RABEPK: variants seen among roughly 807,000 people sequenced by gnomAD.
RABEPK encodes 40 kDa Rab9 effector protein.
RABEPK carries 27 observed loss-of-function variants against 34.1 expected under a neutral mutation model. That is an observed-to-expected ratio of 0.79 (90% confidence interval 0.58 to 1.09). RABEPK has a LOEUF of 1.09. RABEPK is among the 50% of genes least tolerant of loss of function. The pLI is 0.00. For missense variants in RABEPK, 449 were observed against 462.6 expected (o/e 0.97, Z 0.27); for synonymous variants, 172 against 169.2 (o/e 1.02, Z -0.13).
At chr9:125,217,345 A>G (rs979320533) in intron 4 of RABEPK, among the ~76,000 whole-genome samples, 16 of 152,202 alleles carry the variant, frequency 1.1e-4, no homozygotes, top group Admixed American at 3.9e-4. Context: ...TTGAAATAAA[A>G]TAAAGTGAGA....
chr9:125,230,474 C>T (rs541498307), intron 6 of RABEPK, among the ~76,000 whole-genome samples: 4 of 151,798 alleles, frequency 2.6e-5, no homozygotes, highest in South Asian at 2.1e-4. Flanking sequence ...TTGGCCACAC[C>T]GGGTGATTCT....
At chr9:125,219,066 C>A (rs887210285) in intron 4 of RABEPK, among the ~76,000 whole-genome samples, 1 of 151,938 alleles carries the variant, frequency 6.6e-6, no homozygotes, top group Non-Finnish European at 1.5e-5. Context: ...CTTAATCCAT[C>A]CCTACTTCAA....
intron 6 of RABEPK, among the ~76,000 whole-genome samples, chr9:125,231,459 C>T (rs80035769): frequency 0.011 from 1,603 of 152,242 alleles, 14 homozygotes; most frequent in African/African-American, 0.035. Context: ...TATAGGGTCT[C>T]GGACAAGTCT....
chr9:125,221,395 G>C (rs1476707410), intron 5 of RABEPK: 1 of 151,764 alleles, frequency 6.6e-6, no homozygotes, highest in East Asian at 2.0e-4. Context: ...TACTCGGGAG[G>C]CTGAGGCAGG....
chr9:125,227,664 C>T (rs1238059054), intron 5 of RABEPK, among the ~76,000 whole-genome samples: 6 of 151,828 alleles, frequency 4.0e-5, no homozygotes, highest in African/African-American at 1.5e-4. Flanking sequence ...CTCCTGACCT[C>T]AGGTGATCCA....
chr9:125,229,539 A>C (rs1297288745), intron 6 of RABEPK, among the ~76,000 whole-genome samples: 1 of 152,240 alleles, frequency 6.6e-6, no homozygotes, highest in Non-Finnish European at 1.5e-5. Context: ...CAGAATACTA[A>C]TAATAAAAAA....
chr9:125,204,031 CAAAAAAAAAAA>C (rs111335703), intron 2 of RABEPK, among the ~76,000 whole-genome samples: 17 of 82,208 alleles, frequency 2.1e-4, no homozygotes, highest in African/African-American at 4.7e-4. Context: ...GAATCCGTTT[CAAAAAAAAAAA>C]AAAAAAAAAA....
chr9:125,217,487 A>T (rs567722739), intron 4 of RABEPK, among the ~76,000 whole-genome samples: 1 of 151,982 alleles, frequency 6.6e-6, no homozygotes, highest in Non-Finnish European at 1.5e-5. Context: ...TGCATCCTCC[A>T]CCTCTTGGGT....
At chr9:125,216,633 T>C (rs1830943183) in intron 4 of RABEPK, among the ~76,000 whole-genome samples, 1 of 152,044 alleles carries the variant, frequency 6.6e-6, no homozygotes, top group African/African-American at 2.4e-5. Context: ...AGTTTGTTTA[T>C]TGTTGAATAC....
chr9:125,216,728 C>G (rs140609655), intron 4 of RABEPK, among the ~76,000 whole-genome samples: 1 of 151,730 alleles, frequency 6.6e-6, no homozygotes, highest in Non-Finnish European at 1.5e-5. Context: ...TTTGGGAGGA[C>G]GAGGAGGGCG....
At chr9:125,204,336 C>T (rs1278456799) in intron 2 of RABEPK, among the ~76,000 whole-genome samples, 1 of 151,968 alleles carries the variant, frequency 6.6e-6, no homozygotes, top group Non-Finnish European at 1.5e-5. Flanking sequence ...AATCCTAGCA[C>T]TTTGGGAGGC....
chr9:125,217,086 AG>A (rs1403300464), intron 4 of RABEPK, among the ~76,000 whole-genome samples: 1 of 152,150 alleles, frequency 6.6e-6, no homozygotes, highest in African/African-American at 2.4e-5. Context: ...GGCACAGATG[AG>A]GGTCTCTGTT....
At chr9:125,213,222 A>G (rs1198252329) in intron 3 of RABEPK, 148 bp from the exon 4 acceptor site, 4 of 810,062 alleles carry the variant, frequency 4.9e-6, no homozygotes, top group Non-Finnish European at 7.8e-6. Context: ...CTATTATAGA[A>G]TTTTCTGGAG....
intron 3 of RABEPK, among the ~76,000 whole-genome samples, chr9:125,209,844 A>G (rs966106370): frequency 6.6e-5 from 10 of 152,272 alleles, no homozygotes; most frequent in African/African-American, 1.2e-4. Flanking sequence ...CACTTCTACC[A>G]GGAACCTTTC....
intron 4 of RABEPK, among the ~76,000 whole-genome samples, chr9:125,216,502 T>C (rs980298289): frequency 2.0e-5 from 3 of 152,210 alleles, no homozygotes; most frequent in African/African-American, 7.2e-5. Context: ...TTTAAATTCC[T>C]TCAGCACATT....
chr9:125,203,170 ACTGT>A (rs1734662887), intron 2 of RABEPK, 104 bp downstream of exon 2: 2 of 955,202 alleles, frequency 2.1e-6, no homozygotes, highest in Non-Finnish European at 3.3e-6. Flanking sequence ...TAGAGATGAA[ACTGT>A]CTGCAGTTTC....
At chr9:125,221,175 T>TA (rs927894765) in intron 5 of RABEPK, 1 of 148,436 alleles carries the variant, frequency 6.7e-6, no homozygotes, top group African/African-American at 2.5e-5. Flanking sequence ...AATAAATAAA[T>TA]AAATAAATAA....
intron 4 of RABEPK, among the ~76,000 whole-genome samples, chr9:125,218,278 C>T (rs1252541472): frequency 7.1e-6 from 1 of 141,098 alleles, no homozygotes; most frequent in African/African-American, 2.7e-5. Context: ...GCCGAGATCG[C>T]GCCACTGCAC....
rs1832281618 is a variant in RABEPK at position 125,232,664 on chromosome 9, G to A, written c.745G>A (p.Val249Met). 3 of 1,614,042 alleles carry A rather than the reference G, an allele frequency of 1.9e-6. No individual in the cohort carries two copies. The highest frequency in any genetic ancestry group is 2.2e-5 in the East Asian group (1 of 44,894). ...AGCAGGCTGTGCTGCCCACTCAGCT[G>A]TGGCCATGGGAAAACATGTGTACAT... ...APAGCAAHSAVAMGKHVYIFG... is the reference protein window; with the variant it reads ...APAGCAAHSAMAMGKHVYIFG... Residue 249 changes from valine (V) to methionine (M), a missense_variant, in exon 7 of 8, where the codon GTG becomes ATG. Transcript: ENST00000373538.
Sources: allele counts gnomAD v4.1 joint callset (sites outside exome capture counted in the v4.1 genomes callset), GRCh38; gene constraint gnomAD v4.1.1; transcripts MANE v1.5; gene names NCBI Gene and HGNC (gene_info 2026-07-23, HGNC 2026-07-21).